SV2C: variants seen among roughly 807,000 people sequenced by gnomAD.
SV2C encodes solute carrier family 22 member B3.
In SV2C, 49 loss-of-function variants were observed where a neutral mutation model predicts 79.7. The ratio of observed to expected loss-of-function variants is 0.61; its 90% CI spans 0.49 to 0.78. SV2C has a LOEUF of 0.78. Ranked by LOEUF, SV2C falls within the 30% of genes least tolerant of loss-of-function variation. The probability of loss-of-function intolerance (pLI) is 0.00; values close to 1 mark genes in which losing one functional copy is unlikely to be tolerated. For synonymous variants in SV2C, 334 were observed against 333.2 expected, an observed-to-expected ratio of 1.00 and a Z score of -0.03; for missense variants, 833 against 912.9, an observed-to-expected ratio of 0.91 and a Z score of 1.13.
intron 4 of SV2C, among the ~76,000 whole-genome samples, chr5:76,265,875 G>A (rs1193002462): frequency 1.3e-5 from 2 of 152,288 alleles, no homozygotes; most frequent in East Asian, 3.9e-4. Context: ...CCCACCTTTT[G>A]TGTTGATCAC....
chr5:75,930,168 G>A, the SV2C span, among the ~76,000 whole-genome samples: 4 of 147,148 alleles, frequency 2.7e-5, no homozygotes, highest in Non-Finnish European at 6.0e-5. Context: ...CCCTTCCCCC[G>A]CTTCTCCCCC....
chr5:76,143,778 G>C (rs982823939), intron 2 of SV2C, among the ~76,000 whole-genome samples: 3 of 152,156 alleles, frequency 2.0e-5, no homozygotes, highest in African/African-American at 7.2e-5. Flanking sequence ...ATCTTCTACT[G>C]ATCTTGACAA....
the SV2C span, among the ~76,000 whole-genome samples, chr5:76,045,691 G>T: frequency 6.6e-6 from 1 of 152,076 alleles, no homozygotes; most frequent in African/African-American, 2.4e-5. Flanking sequence ...GCCAGTGTTT[G>T]GTTGCCTTGA....
the SV2C span, among the ~76,000 whole-genome samples, chr5:76,000,968 G>A: frequency 6.6e-6 from 1 of 151,044 alleles, no homozygotes. Context: ...ATGTGAACTA[G>A]GAAGATGATG....
At chr5:76,220,555 C>G (rs1280284580) in intron 4 of SV2C, among the ~76,000 whole-genome samples, 2 of 150,008 alleles carry the variant, frequency 1.3e-5, no homozygotes, top group Non-Finnish European at 3.0e-5. Context: ...GCCTATAATT[C>G]CAGCTACTTG....
At chr5:75,881,149 C>T in the SV2C span, among the ~76,000 whole-genome samples, 1 of 152,160 alleles carries the variant, frequency 6.6e-6, no homozygotes, top group Non-Finnish European at 1.5e-5. Context: ...GATCCAATCA[C>T]CACCCACCAG....
chr5:75,943,604 A>G, the SV2C span, among the ~76,000 whole-genome samples: 1 of 152,170 alleles, frequency 6.6e-6, no homozygotes, highest in Non-Finnish European at 1.5e-5. Context: ...CCCATCTGTA[A>G]CTGCTATGCT....
At chr5:75,900,577 A>G in the SV2C span, among the ~76,000 whole-genome samples, 2,509 of 152,036 alleles carry the variant, frequency 0.017, 36 homozygotes, top group African/African-American at 0.043. Flanking sequence ...TCTTTGTGGC[A>G]TTCTCTGTAT....
chr5:76,121,316 G>A (rs1748489027), intron 1 of SV2C, among the ~76,000 whole-genome samples: 1 of 152,054 alleles, frequency 6.6e-6, no homozygotes, highest in African/African-American at 2.4e-5. Context: ...CATCCCATAG[G>A]TTGCCTGTTC....
the SV2C span, chr5:75,921,235 C>T: frequency 3.0e-6 from 4 of 1,325,742 alleles, no homozygotes; most frequent in Non-Finnish European, 4.3e-6. Flanking sequence ...TGGGACACTT[C>T]CCTTTGACTT....
the SV2C span, among the ~76,000 whole-genome samples, chr5:76,015,998 A>T: frequency 6.6e-6 from 1 of 151,998 alleles, no homozygotes; most frequent in South Asian, 2.1e-4. Flanking sequence ...AAAGTAAAGG[A>T]ATTAGTTTCT....
the SV2C span, among the ~76,000 whole-genome samples, chr5:76,044,106 T>G: frequency 1.5e-4 from 23 of 152,268 alleles, no homozygotes; most frequent in African/African-American, 5.5e-4. Flanking sequence ...TTCCCCTCCC[T>G]GTGTCCATGT....
At chr5:76,109,225 A>T (rs543107187) in intron 1 of SV2C, among the ~76,000 whole-genome samples, 1 of 152,172 alleles carries the variant, frequency 6.6e-6, no homozygotes. Flanking sequence ...TGTGCTCATA[A>T]ATATTCTATC....
chr5:76,174,053 A>G (rs371360599), intron 2 of SV2C: 9 of 1,576,754 alleles, frequency 5.7e-6, no homozygotes, highest in Admixed American at 3.3e-5. Context: ...ATCTACTTCA[A>G]CTTGCTCTCT....
At chr5:76,341,179 C>G (rs551648500) in intron 12 of SV2C, among the ~76,000 whole-genome samples, 1 of 152,118 alleles carries the variant, frequency 6.6e-6, no homozygotes, top group Non-Finnish European at 1.5e-5. Flanking sequence ...GATCCACCCA[C>G]CTCGGCCTCC....
the SV2C span, among the ~76,000 whole-genome samples, chr5:75,900,997 T>C: frequency 6.6e-6 from 1 of 152,236 alleles, no homozygotes; most frequent in Non-Finnish European, 1.5e-5. Flanking sequence ...TAAACTTTTT[T>C]CAAAGTTTTT....
the SV2C span, among the ~76,000 whole-genome samples, chr5:76,058,396 G>A: frequency 1.3e-5 from 2 of 152,090 alleles, no homozygotes; most frequent in Non-Finnish European, 2.9e-5. Context: ...CTACTGCCAG[G>A]ACAACTTCAA....
chr5:75,939,632 A>C, the SV2C span, among the ~76,000 whole-genome samples: 1 of 152,184 alleles, frequency 6.6e-6, no homozygotes, highest in East Asian at 1.9e-4. Context: ...CTCACTGCAC[A>C]GTCACACTTC....
intron 2 of SV2C, chr5:76,174,294 G>A (rs1743452195): frequency 1.9e-6 from 2 of 1,063,192 alleles, no homozygotes; most frequent in Non-Finnish European, 2.8e-6. Flanking sequence ...AGGCGCCACG[G>A]CGGTCCTGCC....
Sources: gnomAD v4.1 joint callset for allele counts (sites outside exome capture counted in the v4.1 genomes callset) on GRCh38, gnomAD v4.1.1 for gene constraint, MANE v1.5 for transcripts, NCBI Gene and HGNC (gene_info 2026-07-23, HGNC 2026-07-21) for gene names.